Variants in GSE1 observed in about 807,000 individuals in gnomAD.
GSE1 encodes the protein genetic suppressor element 1.
In GSE1, 32 loss-of-function variants were observed where a neutral mutation model predicts 112.6. The ratio of observed to expected loss-of-function variants is 0.28; its 90% CI spans 0.21 to 0.38. The LOEUF is 0.38. Ranked by LOEUF, GSE1 falls within the 10% of genes least tolerant of loss-of-function variation. The pLI, the probability that GSE1 is intolerant of heterozygous loss-of-function variation, is 1.00. For missense variants in GSE1, 2,348 were observed against 1,699.2 expected, an observed-to-expected ratio of 1.38 and a Z score of -6.71; for synonymous variants, 1,115 against 735.6, an observed-to-expected ratio of 1.52 and a Z score of -8.35.
chr16:85,552,294 G>C (rs1340782080), upstream of GSE1, among the ~76,000 whole-genome samples: 1 of 139,016 alleles, frequency 7.2e-6, no homozygotes, highest in African/African-American at 2.6e-5. Context: ...CAAAGTGCTG[G>C]GATTACAGGC....
At position 85,257,656 on chromosome 16, in the gene GSE1, T is replaced by TA. The variant is rs546768088; in HGVS notation, c.2283+85854dup. Among the ~76,000 whole-genome samples the TA allele has an allele frequency of 6.7e-4, 102 of 152,048 alleles. 1 individual carries two copies. Among genetic ancestry groups the TA allele is most frequent in the Non-Finnish European group, 1.2e-3 (80 of 67,994 alleles). On this transcript the variant is annotated intron_variant, in intron 1 of 2. Transcript: ENST00000637419. ...GAGACCCCCGTTTCTACAAAAAACT[T>TA]AAAAATTGGCAGGACGTGGTGGTGC...
chr16:85,649,010 C>G (rs778348675), intron 3 of GSE1, among the ~76,000 whole-genome samples: 1 of 152,160 alleles, frequency 6.6e-6, no homozygotes, highest in Non-Finnish European at 1.5e-5. Context: ...TTATTTTCTC[C>G]TGTTCTGGAG....
At chr16:85,496,138 GC>G in intron 2 of GSE1, among the ~76,000 whole-genome samples, 1 of 152,284 alleles carries the variant, frequency 6.6e-6, no homozygotes, top group African/African-American at 2.4e-5. Context: ...TTTCCCCAGG[GC>G]CCGAGCCTGC....
chr16:85,572,103 C>G (rs1291297168), intron 1 of GSE1, among the ~76,000 whole-genome samples: 1 of 150,946 alleles, frequency 6.6e-6, no homozygotes, highest in Admixed American at 6.6e-5. Flanking sequence ...ATACCACACA[C>G]ACACCACACA....
chr16:85,661,005 C>A, intron 8 of GSE1, 141 bp from the exon 9 acceptor site: 1 of 665,410 alleles, frequency 1.5e-6, no homozygotes. Context: ...GTGTGTGTCC[C>A]CTCCCTGCAG....
chr16:85,297,733 A>C (rs1256758260), intron 1 of GSE1, among the ~76,000 whole-genome samples: 2 of 150,596 alleles, frequency 1.3e-5, no homozygotes, highest in African/African-American at 4.9e-5. Context: ...CTGATCTCAA[A>C]CTCCTGGCCT....
At chr16:85,221,764 G>A (rs540421050) in intron 1 of GSE1, among the ~76,000 whole-genome samples, 2 of 152,184 alleles carry the variant, frequency 1.3e-5, no homozygotes, top group South Asian at 4.2e-4. Flanking sequence ...GTGGGGGCTC[G>A]GCCCCCAGAC....
chr16:85,379,740 A>C (rs1361951407), intron 2 of GSE1, among the ~76,000 whole-genome samples: 1 of 152,144 alleles, frequency 6.6e-6, no homozygotes, highest in Non-Finnish European at 1.5e-5. Context: ...CTGGCTGTGC[A>C]CTTCCTTTGC....
chr16:85,571,845 T>A (rs1435020485), intron 1 of GSE1, among the ~76,000 whole-genome samples: 1 of 152,008 alleles, frequency 6.6e-6, no homozygotes, highest in African/African-American at 2.4e-5. Context: ...GTTTGGAATC[T>A]GAGAGACGGT....
At chr16:85,356,713 A>C (rs2046957608) in intron 1 of GSE1, among the ~76,000 whole-genome samples, 1 of 152,098 alleles carries the variant, frequency 6.6e-6, no homozygotes, top group Non-Finnish European at 1.5e-5. Flanking sequence ...GCTGGTCTGG[A>C]ACTCTTAGGC....
rs1031524996 is a variant in GSE1, at chr16:85,674,376, C to A, written c.*1837C>A. On this transcript the variant is annotated 3_prime_UTR_variant, in exon 16 of 16. Transcript: ENST00000253458. ...ATTATCAGCAGTCAACAAGCACCTT[C>A]CTCTCCACAGAAGCAGCTGGAAGAG... The A allele has an allele frequency of 6.6e-6, 1 of 152,288 alleles. No individual in the cohort carries two copies. The highest frequency in any genetic ancestry group is 1.5e-5 in the Non-Finnish European group (1 of 68,064). 9.4% of individuals were successfully genotyped at this position (152,288 alleles called of 1,614,324 possible).
At chr16:85,277,264 C>T (rs1230201698) in intron 1 of GSE1, among the ~76,000 whole-genome samples, 1 of 152,156 alleles carries the variant, frequency 6.6e-6, no homozygotes, top group East Asian at 1.9e-4. Context: ...GGGGTTCTGG[C>T]CAGTGCCTCC....
intron 1 of GSE1, among the ~76,000 whole-genome samples, chr16:85,269,686 C>T (rs547218133): frequency 6.7e-6 from 1 of 149,292 alleles, no homozygotes; most frequent in Non-Finnish European, 1.5e-5. Context: ...CCTTGAAGCC[C>T]AAGCCATGGG....
At chr16:85,265,117 A>G (rs1908104438) in intron 1 of GSE1, among the ~76,000 whole-genome samples, 1 of 152,196 alleles carries the variant, frequency 6.6e-6, no homozygotes, top group Non-Finnish European at 1.5e-5. Context: ...GCTTCCCTGC[A>G]TTGGTGAGTT....
intron 1 of GSE1, among the ~76,000 whole-genome samples, chr16:85,304,601 C>CCGG (rs1555557422): frequency 1.0e-4 from 8 of 78,180 alleles, no homozygotes; most frequent in African/African-American, 1.3e-4. Flanking sequence ...AAGCCGGGGG[C>CCGG]GGGGGGGTGG....
intron 1 of GSE1, among the ~76,000 whole-genome samples, chr16:85,336,253 G>A (rs556243848): frequency 6.6e-6 from 1 of 152,308 alleles, no homozygotes; most frequent in Non-Finnish European, 1.5e-5. Flanking sequence ...TTGGGGATTG[G>A]CTGATGGATT....
chr16:85,279,449 G>C lies in GSE1; in HGVS notation c.2284-78014G>C, dbSNP rs190937674. Among the ~76,000 whole-genome samples, 618 of 152,232 alleles carry C rather than the reference G, an allele frequency of 4.1e-3. 3 individuals are homozygous for C. The highest frequency in any genetic ancestry group is 4.8e-3 in the South Asian group (23 of 4,820). Reference sequence around the variant, plus strand: ...TAGCAAGACCCTGTCTCTACAAAAAGTACAAAAATTAGCCAGGCATGGTGA... The same window carrying C: ...TAGCAAGACCCTGTCTCTACAAAAACTACAAAAATTAGCCAGGCATGGTGA... On this transcript the variant is annotated intron_variant, in intron 1 of 2. Transcript: ENST00000637419.
chr16:85,643,618 C>T (rs908032893), intron 2 of GSE1, among the ~76,000 whole-genome samples: 2 of 152,204 alleles, frequency 1.3e-5, no homozygotes, highest in African/African-American at 4.8e-5. Flanking sequence ...AGGGATGGGG[C>T]AGCATGGGGT....
chr16:85,650,384 C>T (rs913604998), intron 3 of GSE1, among the ~76,000 whole-genome samples: 4 of 152,148 alleles, frequency 2.6e-5, no homozygotes, highest in Admixed American at 6.5e-5. Context: ...TGCCAGCGCC[C>T]GCAGCTCATG....
Sources: gnomAD v4.1 joint callset for allele counts (sites outside exome capture counted in the v4.1 genomes callset) on GRCh38, gnomAD v4.1.1 for gene constraint, MANE v1.5 for transcripts, NCBI Gene and HGNC (gene_info 2026-07-23, HGNC 2026-07-21) for gene names.